Variants in CCDC77 observed in about 807,000 individuals in gnomAD.
CCDC77 encodes the protein coiled-coil domain-containing protein 77.
A neutral mutation model predicts 66.8 loss-of-function variants in CCDC77; 56 were observed. The ratio of observed to expected loss-of-function variants is 0.84; its 90% CI spans 0.68 to 1.05. The LOEUF is 1.05. CCDC77 is among the 50% of genes least tolerant of loss of function. The pLI, the probability that CCDC77 is intolerant of heterozygous loss-of-function variation, is 0.00. For synonymous variants in CCDC77, 196 were observed against 195.2 expected, an observed-to-expected ratio of 1.00 and a Z score of -0.03; for missense variants, 570 against 576.8, an observed-to-expected ratio of 0.99 and a Z score of 0.12.
At chr12:430,512 C>T in intron 6 of CCDC77, 152 bp from the exon 7 acceptor site, 2 of 650,854 alleles carry the variant, frequency 3.1e-6, no homozygotes, top group Non-Finnish European at 5.6e-6. Flanking sequence ...GCTACTTTGC[C>T]TGTGTGGTCT....
At chr12:399,612 A>G (rs193204150), upstream of CCDC77, among the ~76,000 whole-genome samples, 179 of 152,352 alleles carry the variant, frequency 1.2e-3, no homozygotes, top group Non-Finnish European at 2.1e-3. Flanking sequence ...GACCAGTTGC[A>G]TTGTGAGTGA....
At chr12:432,335 A>G (rs892027003) in intron 8 of CCDC77, among the ~76,000 whole-genome samples, 1 of 152,132 alleles carries the variant, frequency 6.6e-6, no homozygotes, top group Admixed American at 6.6e-5. Flanking sequence ...AGTCTAGGAA[A>G]GTAATGAACT....
At chr12:430,831 C>G (rs1945635570) in intron 7 of CCDC77, 95 bp downstream of exon 7, 26 of 947,854 alleles carry the variant, frequency 2.7e-5, no homozygotes, top group Non-Finnish European at 4.1e-5. Context: ...GTAATCCCAG[C>G]ACTTTGGGAG....
Position 438,563 on chromosome 12 carries a change from C to G in CCDC77, c.1041+9C>G. ...AAAGTGAATATATTAAGGTAATGTC[C>G]TTATGTCGTAACGAAGTTGTTTATT... On this transcript the variant is annotated intron_variant, in intron 10 of 12. Transcript: ENST00000239830. 6.3e-7 allele frequency: 1 copy of G among 1,578,514 alleles called. No individual in the cohort carries two copies. The highest frequency in any genetic ancestry group is 8.6e-7 in the Non-Finnish European group (1 of 1,157,436).
At chr12:433,392 G>T (rs1452023515) in intron 9 of CCDC77, 70 bp downstream of exon 9, 1 of 1,576,344 alleles carries the variant, frequency 6.3e-7, no homozygotes, top group Admixed American at 1.8e-5. Context: ...TTAACATTTT[G>T]TACTTGAACA....
chr12:392,003 G>A (rs895000751), intron 1 of CCDC77, among the ~76,000 whole-genome samples: 8 of 152,196 alleles, frequency 5.3e-5, no homozygotes, highest in Admixed American at 6.5e-5. Flanking sequence ...GAAAATCACT[G>A]TTGTAAAAAT....
At chr12:410,291 G>A (rs547389140) in intron 3 of CCDC77, among the ~76,000 whole-genome samples, 1 of 150,940 alleles carries the variant, frequency 6.6e-6, no homozygotes, top group East Asian at 2.0e-4. Context: ...TTTTGAGATG[G>A]AGTTTTGCTC....
At position 429,279 on chromosome 12, in the gene CCDC77, G is replaced by C. The variant is rs2137599969; in HGVS notation, c.510+414G>C. Reference sequence around the variant, plus strand: ...CAGGTTCTCATAATCCTATACCCCAGAGATAATCCATTAGTAATAGTTTGG... The same window carrying C: ...CAGGTTCTCATAATCCTATACCCCACAGATAATCCATTAGTAATAGTTTGG... On this transcript the variant is annotated intron_variant, in intron 6 of 12. Coordinates refer to ENST00000239830, the MANE Select transcript of CCDC77 (RefSeq NM_032358.4). Among the ~76,000 whole-genome samples, 3 of 152,214 alleles carry C rather than the reference G, an allele frequency of 2.0e-5. 1 individual carries two copies. Among genetic ancestry groups the C allele is most frequent in the Middle Eastern group, 6.8e-3 (2 of 294 alleles).
intron 2 of CCDC77, among the ~76,000 whole-genome samples, chr12:408,916 A>G (rs1230081268): frequency 6.6e-6 from 1 of 152,230 alleles, no homozygotes; most frequent in Non-Finnish European, 1.5e-5. Context: ...AAAGAATACT[A>G]CATTTTAGGC....
chr12:398,251 C>T (rs939802892), upstream of CCDC77, among the ~76,000 whole-genome samples: 1 of 152,200 alleles, frequency 6.6e-6, no homozygotes, highest in Admixed American at 6.5e-5. Flanking sequence ...TCAAACCCTG[C>T]AACTGCTTTA....
In CCDC77 at chr12:423,129, T is replaced by TC. The variant is rs1555145496; in HGVS notation, c.413+4493_413+4494insC. On this transcript the variant is annotated intron_variant, in intron 5 of 12. Transcript: ENST00000239830. ...TCTTTTAAGCCTTTTTTTTTTTTTT[T>TC]TTTTTTTTTGAGACAGGGTCTCACT... Among the ~76,000 whole-genome samples the TC allele has an allele frequency of 6.1e-3, 693 of 113,950 alleles. 2 individuals are homozygous for TC. Among genetic ancestry groups the TC allele is most frequent in the African/African-American group, 0.02 (606 of 30,338 alleles). The allele number at this position is 113,950 out of a possible 152,430, so 74.8% of individuals were successfully genotyped here.
intron 1 of CCDC77, 68 bp downstream of exon 1, chr12:401,752 A>G (rs1264668868): frequency 6.6e-6 from 1 of 152,634 alleles, no homozygotes; most frequent in Non-Finnish European, 1.5e-5. Flanking sequence ...AAATCTGGTT[A>G]GGGAGAAGTA....
intron 7 of CCDC77, among the ~76,000 whole-genome samples, chr12:431,505 C>T (rs899512863): frequency 6.6e-6 from 1 of 152,128 alleles, no homozygotes; most frequent in Admixed American, 6.5e-5. Context: ...ACTGAGATTA[C>T]AGGCATGAGC....
At chr12:396,190 G>A (rs1180973499) in intron 1 of CCDC77, among the ~76,000 whole-genome samples, 27 of 152,276 alleles carry the variant, frequency 1.8e-4, no homozygotes, top group Admixed American at 1.6e-3. Context: ...TCAGGAGTTC[G>A]AGACCAGCCT....
chr12:411,180 G>C (rs371104326), intron 3 of CCDC77, among the ~76,000 whole-genome samples: 2 of 145,742 alleles, frequency 1.4e-5, no homozygotes, highest in African/African-American at 5.1e-5. Context: ...CTTTCAATTT[G>C]TTTTTTTTTT....
chr12:393,415 GAGA>G (rs1944785378), intron 1 of CCDC77, among the ~76,000 whole-genome samples: 1 of 152,108 alleles, frequency 6.6e-6, no homozygotes, highest in African/African-American at 2.4e-5. Context: ...ACGTAGTGCA[GAGA>G]AGCATTTTAA....
At chr12:402,413 A>G (rs1944913568) in intron 1 of CCDC77, among the ~76,000 whole-genome samples, 2 of 152,228 alleles carry the variant, frequency 1.3e-5, no homozygotes, top group Admixed American at 6.5e-5. Context: ...GGAAAGAGAA[A>G]AAGGAGGTGG....
chr12:436,114 T>A (rs1167569329), intron 9 of CCDC77, among the ~76,000 whole-genome samples: 1 of 128,184 alleles, frequency 7.8e-6, no homozygotes, highest in Admixed American at 9.1e-5. Flanking sequence ...TGATCCTTTG[T>A]CTTTTTTTTT....
intron 8 of CCDC77, 67 bp from the exon 9 acceptor site, chr12:433,107 C>T: frequency 6.7e-7 from 1 of 1,492,510 alleles, no homozygotes; most frequent in Non-Finnish European, 9.1e-7. Context: ...GAAAGGCTCA[C>T]TTTTCCTAGA....
Sources: allele counts gnomAD v4.1 joint callset (sites outside exome capture counted in the v4.1 genomes callset), GRCh38; gene constraint gnomAD v4.1.1; transcripts MANE v1.5; gene names NCBI Gene and HGNC (gene_info 2026-07-23, HGNC 2026-07-21).